Variants in GSK3B observed in about 807,000 individuals in gnomAD.
The protein encoded by GSK3B is glycogen synthase kinase 3 beta, also known as glycogen synthase kinase-3 beta.
A neutral mutation model predicts 56.4 loss-of-function variants in GSK3B; 15 were observed. That is an observed-to-expected ratio of 0.27 (90% CI 0.18 to 0.41). The LOEUF is 0.41. GSK3B is among the 10% of genes least tolerant of loss of function. The pLI is 1.00. For synonymous variants in GSK3B, 181 were observed against 188.9 expected (o/e 0.96, Z 0.34); for missense variants, 300 against 513.4 (o/e 0.58, Z 4.02).
At chr3:119,983,137 T>C (rs2057480654) in intron 2 of GSK3B, among the ~76,000 whole-genome samples, 1 of 152,080 alleles carries the variant, frequency 6.6e-6, no homozygotes, top group African/African-American at 2.4e-5. Flanking sequence ...ATAAAATCCT[T>C]TACAGACAAG....
At chr3:119,949,207 T>C (rs1160883063) in intron 2 of GSK3B, among the ~76,000 whole-genome samples, 1 of 152,198 alleles carries the variant, frequency 6.6e-6, no homozygotes, top group Non-Finnish European at 1.5e-5. Flanking sequence ...GTTGATAAGA[T>C]TGTGCATAAT....
rs749105190 is a variant in GSK3B, at chr3:120,002,178, C to T, written c.150G>A (p.Arg50=). The T allele has an allele frequency of 1.9e-6, 3 of 1,607,374 alleles. No homozygotes were observed. The South Asian group carries it at 3.3e-5, about 18-fold the overall frequency. The change falls in exon 2 of 11, where the codon AGG becomes AGA. Residue 50 remains arginine, a synonymous_variant. Coordinates refer to ENST00000264235, the MANE Select transcript of GSK3B (RefSeq NM_001146156.2). The part of the protein sequence containing the change: ...VVATPGQGPD[R]PQEVSYTDTK... ...TGTCTGTATAGCTGACTTCTTGTGG[C>T]CTGTCTGGACCCTGCCCAGGAGTTG...
chr3:120,093,469 T>TCCTC lies in GSK3B; in HGVS notation c.-39_-36dup, dbSNP rs776806877. 7.3e-7 allele frequency: 1 copy of TCCTC among 1,361,166 alleles called. No individual in the cohort carries two copies. Among genetic ancestry groups the TCCTC allele is most frequent in the East Asian group, 2.3e-5 (1 of 43,702 alleles). The allele number at this position is 1,361,166 out of a possible 1,614,324, so 84.3% of individuals were successfully genotyped here. ...CTTCGCGAATCACCTTTTCCTTCCTTCCTCCTTTTCTTCCTTTTGTCTTTA... is the reference window on the plus strand; with the variant it reads ...CTTCGCGAATCACCTTTTCCTTCCTTCCTCCCTCCTTTTCTTCCTTTTGTCTTTA... On this transcript the variant is annotated 5_prime_UTR_variant, in exon 1 of 11. Transcript: ENST00000264235.
intron 10 of GSK3B, among the ~76,000 whole-genome samples, chr3:119,837,020 A>T (rs1255686433): frequency 1.3e-5 from 2 of 152,232 alleles, no homozygotes; most frequent in Admixed American, 1.3e-4. Flanking sequence ...ATTAGTATGG[A>T]GGGCAAGTTA....
At chr3:119,892,347 TAAAG>T (rs930417650) in intron 7 of GSK3B, among the ~76,000 whole-genome samples, 4 of 152,106 alleles carry the variant, frequency 2.6e-5, no homozygotes, top group African/African-American at 9.7e-5. Context: ...GCGACAACCA[TAAAG>T]AAACACACCA....
chr3:119,954,899 T>C (rs895889080), intron 2 of GSK3B, among the ~76,000 whole-genome samples: 21 of 152,132 alleles, frequency 1.4e-4, no homozygotes, highest in African/African-American at 4.6e-4. Flanking sequence ...AAAAGTAAAC[T>C]TTTAGGTGAA....
At chr3:119,961,187 T>C (rs1190974106) in intron 2 of GSK3B, among the ~76,000 whole-genome samples, 2 of 151,916 alleles carry the variant, frequency 1.3e-5, no homozygotes, top group African/African-American at 4.8e-5. Context: ...AGCTAATCTC[T>C]CCAAAGGTTA....
intron 1 of GSK3B, among the ~76,000 whole-genome samples, chr3:120,039,612 C>T (rs1291583421): frequency 6.6e-6 from 1 of 152,224 alleles, no homozygotes; most frequent in Non-Finnish European, 1.5e-5. Context: ...CGAAACCACA[C>T]ATCCCATCAC....
intron 10 of GSK3B, chr3:119,832,954 T>C (rs1306263934): frequency 3.1e-6 from 3 of 979,618 alleles, no homozygotes; most frequent in Non-Finnish European, 3.6e-6. Context: ...CATTTTTTGT[T>C]TTGTTTGTTT....
chr3:119,851,378 C>T (rs1445085068), intron 9 of GSK3B, among the ~76,000 whole-genome samples: 1 of 152,108 alleles, frequency 6.6e-6, no homozygotes, highest in Non-Finnish European at 1.5e-5. Context: ...CTGAAATTTG[C>T]CTTAAAAGTT....
At chr3:120,060,167 T>A (rs984391769) in intron 1 of GSK3B, among the ~76,000 whole-genome samples, 5 of 151,930 alleles carry the variant, frequency 3.3e-5, no homozygotes, top group African/African-American at 4.8e-5. Flanking sequence ...TAGACACAGA[T>A]AAACAAAATC....
At chr3:120,036,408 A>G (rs1411986594) in intron 1 of GSK3B, among the ~76,000 whole-genome samples, 1 of 152,162 alleles carries the variant, frequency 6.6e-6, no homozygotes, top group Non-Finnish European at 1.5e-5. Context: ...TTGTTGCAAT[A>G]CCCCCAGAGT....
intron 8 of GSK3B, among the ~76,000 whole-genome samples, chr3:119,864,254 G>GA (rs1204413342): frequency 1.3e-5 from 2 of 151,440 alleles, no homozygotes; most frequent in Admixed American, 1.3e-4. Flanking sequence ...TAATCAAGGA[G>GA]AAAAAAATGT....
chr3:119,980,492 A>G (rs1283347499), intron 2 of GSK3B, among the ~76,000 whole-genome samples: 1 of 152,136 alleles, frequency 6.6e-6, no homozygotes, highest in Admixed American at 6.5e-5. Context: ...AGCTGGGATT[A>G]CAGGCATGTG....
chr3:119,966,563 G>GT (rs1302011230), intron 2 of GSK3B, among the ~76,000 whole-genome samples: 1 of 152,160 alleles, frequency 6.6e-6, no homozygotes, highest in Non-Finnish European at 1.5e-5. Flanking sequence ...GCAAGTACAA[G>GT]TACCTTCAGG....
intron 7 of GSK3B, among the ~76,000 whole-genome samples, chr3:119,894,932 A>G (rs574346994): frequency 2.6e-5 from 4 of 152,274 alleles, no homozygotes; most frequent in African/African-American, 9.6e-5. Flanking sequence ...TTGACGAATT[A>G]TAAGTGTATA....
chr3:120,088,195 T>C (rs1263167221), intron 1 of GSK3B, among the ~76,000 whole-genome samples: 1 of 152,192 alleles, frequency 6.6e-6, no homozygotes, highest in African/African-American at 2.4e-5. Flanking sequence ...CCAGCCGAAC[T>C]AAATTGTGTT....
intron 9 of GSK3B, among the ~76,000 whole-genome samples, chr3:119,857,596 C>A (rs1329085884): frequency 6.6e-6 from 1 of 152,202 alleles, no homozygotes; most frequent in African/African-American, 2.4e-5. Flanking sequence ...CAGTGACTTC[C>A]TCCACTGAAG....
intron 1 of GSK3B, among the ~76,000 whole-genome samples, chr3:120,088,219 C>T (rs544208472): frequency 6.6e-6 from 1 of 152,104 alleles, no homozygotes; most frequent in South Asian, 2.1e-4. Flanking sequence ...AAATCTTATA[C>T]CACATCAAAT....
Sources: gnomAD v4.1 joint callset for allele counts (sites outside exome capture counted in the v4.1 genomes callset) on GRCh38, gnomAD v4.1.1 for gene constraint, MANE v1.5 for transcripts, NCBI Gene and HGNC (gene_info 2026-07-23, HGNC 2026-07-21) for gene names.